The following ADAMTS12 variants were observed in gnomAD, a reference collection of about 807,000 sequenced individuals.
ADAMTS12 encodes the protein A disintegrin and metalloproteinase with thrombospondin motifs 12.
Under a neutral mutation model 167.8 loss-of-function variants are expected in ADAMTS12, and 118 were observed. That is an observed-to-expected ratio of 0.70 (90% CI 0.61 to 0.82). ADAMTS12 has a LOEUF of 0.82. Ranked by LOEUF, ADAMTS12 falls within the 40% of genes least tolerant of loss-of-function variation. ADAMTS12 has a pLI of 0.00. For missense variants in ADAMTS12, 1,916 were observed against 1,998.8 expected, an observed-to-expected ratio of 0.96 and a Z score of 0.79; for synonymous variants, 704 against 716.9, an observed-to-expected ratio of 0.98 and a Z score of 0.29.
At chr5:33,531,063 C>G (rs1023083347) in intron 23 of ADAMTS12, among the ~76,000 whole-genome samples, 1 of 152,148 alleles carries the variant, frequency 6.6e-6, no homozygotes, top group African/African-American at 2.4e-5. Flanking sequence ...GACACACATA[C>G]AGAGGAGGAA....
At chr5:33,740,250 T>C (rs1241181997) in intron 3 of ADAMTS12, among the ~76,000 whole-genome samples, 1 of 152,182 alleles carries the variant, frequency 6.6e-6, no homozygotes, top group Non-Finnish European at 1.5e-5. Flanking sequence ...TAATAAATAA[T>C]CATTGCTTTT....
At chr5:33,723,898 G>A (rs1231827063) in intron 3 of ADAMTS12, among the ~76,000 whole-genome samples, 3 of 152,210 alleles carry the variant, frequency 2.0e-5, no homozygotes, top group Non-Finnish European at 4.4e-5. Context: ...TGGTAAGGAT[G>A]GAAGATGTAG....
At chr5:33,732,249 T>C (rs1340907669) in intron 3 of ADAMTS12, among the ~76,000 whole-genome samples, 2 of 152,068 alleles carry the variant, frequency 1.3e-5, no homozygotes, top group African/African-American at 4.8e-5. Context: ...AAAAAATAAA[T>C]GTAGGTGAAT....
intron 3 of ADAMTS12, among the ~76,000 whole-genome samples, chr5:33,741,347 C>T (rs1180644675): frequency 2.6e-5 from 4 of 152,172 alleles, no homozygotes; most frequent in African/African-American, 9.6e-5. Flanking sequence ...GCAGATGGGG[C>T]TTTCTCTCTG....
At chr5:33,617,167 A>G (rs1739064765) in intron 14 of ADAMTS12, among the ~76,000 whole-genome samples, 1 of 151,612 alleles carries the variant, frequency 6.6e-6, no homozygotes, top group African/African-American at 2.4e-5. Flanking sequence ...CAGCTCTAAT[A>G]GTGAGTGATT....
At chr5:33,746,246 T>A (rs1744783055) in intron 3 of ADAMTS12, among the ~76,000 whole-genome samples, 2 of 152,320 alleles carry the variant, frequency 1.3e-5, no homozygotes, top group East Asian at 1.9e-4. Context: ...TTAAACTCAA[T>A]GTGGAGTATG....
chr5:33,747,630 A>C (rs1412613895), intron 3 of ADAMTS12, among the ~76,000 whole-genome samples: 1 of 152,156 alleles, frequency 6.6e-6, no homozygotes, highest in Non-Finnish European at 1.5e-5. Context: ...TAATAGTCCA[A>C]GCCTGAAAGC....
Position 33,546,159 on chromosome 5 carries a change from A to G in ADAMTS12, c.4346T>C (p.Phe1449Ser), listed in dbSNP as rs554453996. 6.2e-7 allele frequency: 1 copy of G among 1,613,990 alleles called. No individual in the cohort carries two copies. Among genetic ancestry groups the G allele is most frequent in the South Asian group, 1.1e-5 (1 of 91,036 alleles). The change falls in exon 22 of 24, where the codon TTC becomes TCC. Residue 1449 changes from phenylalanine (F) to serine (S), a missense_variant. Transcript: ENST00000504830. ...CGGGVQERGV[F>S]CPGGLCDWTK... ...CCAATCACAGAGGCCTCCTGGACAG[A>G]ACACTCCTCTCTCCTGAACTCCACC...
chr5:33,615,710 C>CT (rs1738966667), intron 15 of ADAMTS12, 118 bp downstream of exon 15: 1 of 1,377,338 alleles, frequency 7.3e-7, no homozygotes, highest in Admixed American at 2.2e-5. Context: ...CTCCCTGCTC[C>CT]TTGCTAAAAG....
chr5:33,576,199 T>A lies in ADAMTS12; in HGVS notation c.3827A>T (p.Asn1276Ile). 1 of 1,614,168 alleles carries A rather than the reference T, an allele frequency of 6.2e-7. No individual in the cohort carries two copies. Among genetic ancestry groups the A allele is most frequent in the Admixed American group, 1.7e-5 (1 of 60,038 alleles). The change falls in exon 19 of 24, where the codon AAC becomes ATC. Residue 1276 changes from asparagine to isoleucine, a missense_variant. Asn to Ile is a moderately radical substitution (Grantham distance 149). Coordinates refer to ENST00000504830, the MANE Select transcript of ADAMTS12 (RefSeq NM_030955.4). ...RNHLKLPNNMNQTKSSEPVLT... is the reference protein window; with the variant it reads ...RNHLKLPNNMIQTKSSEPVLT... ...GACTGGTTCAGAACTTTTTGTTTGG[T>A]TCATGTTGTTTGGAAGTTTCAGGTG...
intron 2 of ADAMTS12, among the ~76,000 whole-genome samples, chr5:33,772,256 C>T (rs1214874448): frequency 6.6e-6 from 1 of 152,126 alleles, no homozygotes; most frequent in Non-Finnish European, 1.5e-5. Flanking sequence ...TTCGTCCAGA[C>T]CAGAGACAGC....
At chr5:33,664,493 C>T (rs1741395092) in intron 5 of ADAMTS12, among the ~76,000 whole-genome samples, 2 of 152,072 alleles carry the variant, frequency 1.3e-5, no homozygotes, top group African/African-American at 4.8e-5. Flanking sequence ...GGGCAAAGGA[C>T]CCGAATAGGT....
chr5:33,753,291 C>T (rs1012967837), intron 2 of ADAMTS12, among the ~76,000 whole-genome samples: 3 of 152,208 alleles, frequency 2.0e-5, no homozygotes, highest in Non-Finnish European at 4.4e-5. Context: ...GAAAACATGA[C>T]ATTTTTTTCA....
intron 3 of ADAMTS12, among the ~76,000 whole-genome samples, chr5:33,707,194 C>T (rs559482324): frequency 8.5e-5 from 13 of 152,276 alleles, no homozygotes; most frequent in Admixed American, 8.5e-4. Flanking sequence ...AGTGAACCCT[C>T]ATTCGCAACT....
At chr5:33,578,996 A>G (rs540731809) in intron 18 of ADAMTS12, among the ~76,000 whole-genome samples, 60 of 152,366 alleles carry the variant, frequency 3.9e-4, no homozygotes, top group African/African-American at 1.4e-3. Context: ...ATTTCCCACC[A>G]AAGTGGGGGC....
chr5:33,571,609 G>T (rs1345491851), intron 19 of ADAMTS12, among the ~76,000 whole-genome samples: 1 of 151,700 alleles, frequency 6.6e-6, no homozygotes. Context: ...CGTGTAGAGG[G>T]AAATTTATAG....
chr5:33,715,477 A>G (rs1743570618), intron 3 of ADAMTS12, among the ~76,000 whole-genome samples: 1 of 152,140 alleles, frequency 6.6e-6, no homozygotes, highest in Non-Finnish European at 1.5e-5. Flanking sequence ...AAATAAGCAT[A>G]TATGAGTGAT....
At position 33,524,164 on chromosome 5, in the gene ADAMTS12, G is replaced by A. The variant is rs1743703057; in HGVS notation, c.*3024C>T. Reference sequence around the variant, plus strand: ...CTGTCTCAGGAGATTGGACGGAGGTGTGCTCTTCTTTAAGAAAACCCATCA... The same window carrying A: ...CTGTCTCAGGAGATTGGACGGAGGTATGCTCTTCTTTAAGAAAACCCATCA... On this transcript the variant is annotated 3_prime_UTR_variant, in exon 24 of 24. Transcript: ENST00000504830. The A allele has an allele frequency of 6.6e-6, 1 of 152,314 alleles. No homozygotes were observed. Among genetic ancestry groups the A allele is most frequent in the African/African-American group, 2.4e-5 (1 of 41,462 alleles). The allele number at this position is 152,314 out of a possible 1,614,324, so 9.4% of individuals were successfully genotyped here. A position where few individuals can be genotyped will look rare whatever the true frequency, so the allele number is the denominator to read the frequency against.
At chr5:33,687,982 C>T (rs1388100554) in intron 3 of ADAMTS12, among the ~76,000 whole-genome samples, 2 of 152,128 alleles carry the variant, frequency 1.3e-5, no homozygotes, top group Admixed American at 1.3e-4. Flanking sequence ...CTGGCCACAC[C>T]TCAACCTGAG....
Sources: allele counts gnomAD v4.1 joint callset (sites outside exome capture counted in the v4.1 genomes callset), GRCh38; gene constraint gnomAD v4.1.1; transcripts MANE v1.5; gene names NCBI Gene and HGNC (gene_info 2026-07-23, HGNC 2026-07-21).